Variants in CEP250 observed in about 807,000 individuals in gnomAD.
The protein encoded by CEP250 is centrosome-associated protein CEP250.
Under a neutral mutation model 315.7 loss-of-function variants are expected in CEP250, and 242 were observed. The observed-to-expected ratio is 0.77, with a 90% CI of 0.69 to 0.85. The LOEUF is 0.85. CEP250 is among the 40% of genes least tolerant of loss of function. The pLI, the probability that CEP250 is intolerant of heterozygous loss-of-function variation, is 0.00. For synonymous variants in CEP250, 1,088 were observed against 1,175.0 expected (o/e 0.93, Z 1.51); for missense variants, 2,515 against 2,886.4 (o/e 0.87, Z 2.95).
chr20:35,460,383 C>T (rs2062727380), intron 3 of CEP250, among the ~76,000 whole-genome samples: 1 of 152,188 alleles, frequency 6.6e-6, no homozygotes, highest in South Asian at 2.1e-4. Context: ...AACAATAGCA[C>T]AGTTGCAATG....
rs1190673728 is a variant in CEP250 at position 35,518,095 on chromosome 20, C to G, written c.*6469C>G. 6.7e-6 allele frequency: 1 copy of G among 149,426 alleles called. No homozygotes were observed. The highest frequency in any genetic ancestry group is 2.4e-5 in the African/African-American group (1 of 40,880). The allele number at this position is 149,426 out of a possible 1,614,324, so 9.3% of individuals were successfully genotyped here. A position where few individuals can be genotyped will look rare whatever the true frequency, so the allele number is the denominator to read the frequency against. On this transcript the variant is annotated 3_prime_UTR_variant, in exon 35 of 35. Coordinates refer to ENST00000397527, the MANE Select transcript of CEP250 (RefSeq NM_007186.6). ...ATAAAAAGAAGATAGCAGTTTCCCA[C>G]CTCATTCTTCTCAAACTCCTCTTCA... is the stretch of plus-strand genomic sequence containing the variant.
At chr20:35,464,539 T>G (rs2062828638) in intron 5 of CEP250, among the ~76,000 whole-genome samples, 1 of 152,198 alleles carries the variant, frequency 6.6e-6, no homozygotes, top group South Asian at 2.1e-4. Flanking sequence ...TCTCAAATTC[T>G]TAGACTCAAG....
chr20:35,479,571 T>TAGAACCC (rs2063281333), intron 18 of CEP250, 75 bp from the exon 19 acceptor site: 1 of 1,579,880 alleles, frequency 6.3e-7, no homozygotes, highest in African/African-American at 1.4e-5. Context: ...AGCCAATACT[T>TAGAACCC]AGAACCCAGC....
chr20:35,474,680 A>G, intron 14 of CEP250: 2 of 430,228 alleles, frequency 4.6e-6, no homozygotes, highest in African/African-American at 2.0e-5. Flanking sequence ...AAATTCCCCT[A>G]TATGATGTCA....
intron 19 of CEP250, 21 bp from the exon 20 acceptor site, chr20:35,479,955 A>T: frequency 6.2e-7 from 1 of 1,612,360 alleles, no homozygotes; most frequent in Non-Finnish European, 8.5e-7. Flanking sequence ...CGGAGGCCTG[A>T]TCCTGTCCCT....
chr20:35,501,093 T>C (rs2063989023), intron 28 of CEP250, among the ~76,000 whole-genome samples: 1 of 152,166 alleles, frequency 6.6e-6, no homozygotes, highest in Non-Finnish European at 1.5e-5. Context: ...GATATATCCA[T>C]GTGCCAGCCA....
intron 11 of CEP250, 73 bp downstream of exon 11, chr20:35,472,224 C>T: frequency 2.2e-6 from 2 of 896,310 alleles, no homozygotes; most frequent in South Asian, 1.4e-5. Flanking sequence ...CCTTTCAGTC[C>T]TGCCTAGATT....
chr20:35,458,241 A>C (rs1373835603), intron 1 of CEP250, 63 bp from the exon 2 acceptor site: 4 of 152,120 alleles, frequency 2.6e-5, no homozygotes, highest in Non-Finnish European at 5.9e-5. Context: ...CTTTTGTAGT[A>C]TTTTGGATGA....
intron 3 of CEP250, 117 bp downstream of exon 3, chr20:35,460,222 C>A (rs1218562452): frequency 6.6e-6 from 1 of 152,178 alleles, no homozygotes; most frequent in African/African-American, 2.4e-5. Context: ...CTGGTGCCAC[C>A]AAACCTTTAT....
rs377088968 is a variant in CEP250, at chr20:35,503,395, C to T, written c.5026C>T (p.Arg1676Trp). ...RIQVLEDQRTRQTKILEEDLE... is the reference protein window; with the variant it reads ...RIQVLEDQRTWQTKILEEDLE... ...TCAGGTTCTCGAGGATCAGAGGACC[C>T]GGCAGACCAAGATCCTGGAGGAGGA... Residue 1676 changes from arginine to tryptophan, a missense_variant, in exon 30 of 35, where the codon CGG becomes TGG. Coordinates refer to ENST00000397527, the MANE Select transcript of CEP250 (RefSeq NM_007186.6). This position sits in a 1 kb window ranked among gnomAD's most constrained non-coding sequence, Gnocchi z 4.2. 37 of 1,613,976 alleles carry T rather than the reference C, an allele frequency of 2.3e-5. No homozygotes were observed. The African/African-American group carries it at 3.5e-4, about 15-fold the overall frequency.
intron 5 of CEP250, 46 bp from the exon 6 acceptor site, chr20:35,465,697 G>T: frequency 7.0e-7 from 1 of 1,418,544 alleles, no homozygotes; most frequent in South Asian, 1.3e-5. Context: ...TGGTCTGAGT[G>T]ATGTTCTCTT....
chr20:35,464,333 C>T (rs1226294891), intron 5 of CEP250, among the ~76,000 whole-genome samples: 1 of 152,080 alleles, frequency 6.6e-6, no homozygotes, highest in Non-Finnish European at 1.5e-5. Flanking sequence ...GAGACAGGGT[C>T]CTACTTACTC....
rs369755521 is a variant in CEP250 at position 35,491,383 on chromosome 20, G to A, written c.2889+37G>A. On this transcript the variant is annotated intron_variant, in intron 22 of 34. Transcript: ENST00000397527. ...GGTCTCGGGAGTAGGGGAGAAAGGG[G>A]CACTCATTTACCCATTCGACCATGA... 10 of 1,562,380 alleles carry A rather than the reference G, an allele frequency of 6.4e-6. No individual in the cohort carries two copies. In the African/African-American group the frequency reaches 6.8e-5, roughly 11 times the overall value.
rs759385715 is a variant in CEP250 at position 35,496,601 on chromosome 20, G to A, written c.3192G>A (p.Lys1064=). The A allele has an allele frequency of 1.9e-6, 3 of 1,614,012 alleles. No individual in the cohort carries two copies. The East Asian group carries it at 6.7e-5, about 36-fold the overall frequency. ...GCCTGACTCTCTCACTGATGGAAAA[G>A]GAACAGAGACTCCTTGTTTTACAAG... is the stretch of plus-strand genomic sequence containing the variant. ...KASLTLSLME[K]EQRLLVLQEA... The change falls in exon 25 of 35, where the codon AAG becomes AAA. Residue 1064 remains lysine, a synonymous_variant. Transcript: ENST00000397527.
At chr20:35,508,257 C>T (rs2064251264) in intron 32 of CEP250, 67 bp downstream of exon 32, 4 of 1,518,158 alleles carry the variant, frequency 2.6e-6, no homozygotes, top group Admixed American at 1.9e-5. Flanking sequence ...AGCATAGGCT[C>T]AGTAAATTAC....
At chr20:35,485,644 GCTTTTT>G (rs1555840832) in intron 20 of CEP250, among the ~76,000 whole-genome samples, 1 of 49,686 alleles carries the variant, frequency 2.0e-5, no homozygotes, top group African/African-American at 5.1e-5. Context: ...CGTCTGCCTG[GCTTTTT>G]TTTTTTTTTT....
In CEP250 at chr20:35,517,322, T is replaced by A. The variant is rs1266547539; in HGVS notation, c.*5696T>A. 6.6e-6 allele frequency: 1 copy of A among 152,098 alleles called. No individual in the cohort carries two copies. 9.4% of individuals were successfully genotyped at this position (152,098 alleles called of 1,614,324 possible). A position where few individuals can be genotyped will look rare whatever the true frequency, so the allele number is the denominator to read the frequency against. On this transcript the variant is annotated 3_prime_UTR_variant, in exon 35 of 35. Coordinates refer to ENST00000397527, the MANE Select transcript of CEP250 (RefSeq NM_007186.6). ...CAGCTGCCAAGGGAAGGCTTGGCAATCAAGGGTGATGGAGATAAGAATGAA... is the reference window on the plus strand; with the variant it reads ...CAGCTGCCAAGGGAAGGCTTGGCAAACAAGGGTGATGGAGATAAGAATGAA...
chr20:35,466,974 G>C lies in CEP250; in HGVS notation c.501G>C (p.Lys167Asn). The C allele has an allele frequency of 6.2e-7, 1 of 1,611,986 alleles. No individual in the cohort carries two copies. Among genetic ancestry groups the C allele is most frequent in the Non-Finnish European group, 8.5e-7 (1 of 1,178,142 alleles). Residue 167 changes from lysine (K) to asparagine (N), a missense_variant, in exon 8 of 35, where the codon AAG (lysine) becomes AAC (asparagine). Coordinates refer to ENST00000397527, the MANE Select transcript of CEP250 (RefSeq NM_007186.6). ...GGTTTCTGAACACACAGTTCTTCAA[G>C]GGCTACCTGAAAGGGGAGCACGGTC... is the stretch of plus-strand genomic sequence containing the variant. ...SQWQMEQEFFKGYLKGEHGRL... is the reference protein window; with the variant it reads ...SQWQMEQEFFNGYLKGEHGRL...
At chr20:35,507,133 A>T (rs1402115946) in intron 30 of CEP250, among the ~76,000 whole-genome samples, 1 of 152,170 alleles carries the variant, frequency 6.6e-6, no homozygotes, top group Non-Finnish European at 1.5e-5. Flanking sequence ...CCTCTCTCCC[A>T]GGCAACCCAC....
Sources: allele counts gnomAD v4.1 joint callset (sites outside exome capture counted in the v4.1 genomes callset), GRCh38; gene constraint gnomAD v4.1.1; non-coding constraint Gnocchi (gnomAD v3.1); transcripts MANE v1.5; gene names NCBI Gene and HGNC (gene_info 2026-07-23, HGNC 2026-07-21).